Variants in CTRB1 observed in about 807,000 individuals in gnomAD.
CTRB1 encodes chymotrypsinogen B1.
In CTRB1, 15 loss-of-function variants were observed where a neutral mutation model predicts 20.4. The observed-to-expected ratio is 0.74, with a 90% CI of 0.49 to 1.13. The LOEUF (loss-of-function observed/expected upper bound fraction) is 1.13. Ranked by LOEUF, CTRB1 falls within the 50% of genes most tolerant of loss-of-function variation. CTRB1 has a pLI of 0.00. For synonymous variants in CTRB1, 92 were observed against 128.4 expected (o/e 0.72, Z 1.92); for missense variants, 227 against 290.1 (o/e 0.78, Z 1.58).
chr16:75,219,888 C>T (rs2151374142), intron 1 of CTRB1, among the ~76,000 whole-genome samples: 1 of 152,334 alleles, frequency 6.6e-6, no homozygotes, highest in Admixed American at 6.5e-5. Context: ...TGAATAATTG[C>T]AGTGTGAGCT....
At chr16:75,221,638 G>C (rs2039086542) in intron 1 of CTRB1, among the ~76,000 whole-genome samples, 1 of 152,076 alleles carries the variant, frequency 6.6e-6, no homozygotes, top group Non-Finnish European at 1.5e-5. Flanking sequence ...AGGATTACAG[G>C]CGTGAGCCAC....
chr16:75,219,137 T>A, intron 1 of CTRB1, 78 bp downstream of exon 1: 1 of 1,457,956 alleles, frequency 6.9e-7, no homozygotes, highest in African/African-American at 1.4e-5. Context: ...TCCCCTGCTC[T>A]GCCCCCTGGG....
At chr16:75,224,599 G>A (rs1277091086) in intron 6 of CTRB1, 106 bp from the exon 7 acceptor site, 2 of 1,292,344 alleles carry the variant, frequency 1.5e-6, no homozygotes, top group East Asian at 4.7e-5. Flanking sequence ...CTGAGCCTTT[G>A]CTGTGTGTGG....
intron 1 of CTRB1, among the ~76,000 whole-genome samples, chr16:75,219,764 T>G (rs1224686172): frequency 6.6e-6 from 1 of 152,236 alleles, no homozygotes; most frequent in Non-Finnish European, 1.5e-5. Flanking sequence ...CTGTCAGAAT[T>G]CAGCAAATCT....
rs2076724515 is a variant in CTRB1 at position 75,224,771 on chromosome 16, T to TG, written c.701dup (p.Ser235GlnfsTer45). 2 of 1,613,766 alleles carry TG rather than the reference T, an allele frequency of 1.2e-6. No homozygotes were observed. The highest frequency in any genetic ancestry group is 1.3e-5 in the African/African-American group (1 of 74,928). Reference sequence around the variant, plus strand: ...CTGGACCCTGGTGGGCATTGTGTCCTGGGGCAGCGACACCTGCTCCACCTC... The same window carrying TG: ...CTGGACCCTGGTGGGCATTGTGTCCTGGGGGCAGCGACACCTGCTCCACCTC... On this transcript the variant is annotated frameshift_variant, in exon 7 of 7. Transcript: ENST00000361017. LOFTEE classifies it low-confidence loss of function (END_TRUNC).
rs2039040678 is a variant in CTRB1, at chr16:75,219,038, T to G, written c.31T>G (p.Ser11Ala). ...TTCCCTCTGGCTCCTCTCCTGCTTCTCCCTTGTGGGGGCCGCCTTTGGTGA... is the reference window on the plus strand; with the variant it reads ...TTCCCTCTGGCTCCTCTCCTGCTTCGCCCTTGTGGGGGCCGCCTTTGGTGA... MASLWLLSCFSLVGAAFGCGV... is the reference protein window; with the variant it reads MASLWLLSCFALVGAAFGCGV... The change falls in exon 1 of 7, where the codon TCC becomes GCC. Residue 11 changes from serine to alanine, a missense_variant. Physicochemically the swap from Ser to Ala is moderately conservative, Grantham distance 99. Transcript: ENST00000361017. 6.3e-7 allele frequency: 1 copy of G among 1,593,912 alleles called. No homozygotes were observed. The highest frequency in any genetic ancestry group is 8.5e-7 in the Non-Finnish European group (1 of 1,171,602).
chr16:75,224,756 G>T lies in CTRB1; in HGVS notation c.682G>T (p.Val228Leu), dbSNP rs765374353. ...CCAAAAGGATGGAGCCTGGACCCTG[G>T]TGGGCATTGTGTCCTGGGGCAGCGA... ...VCQKDGAWTLVGIVSWGSDTC... is the reference protein window; with the variant it reads ...VCQKDGAWTLLGIVSWGSDTC... The change falls in exon 7 of 7, where the codon GTG becomes TTG. Residue 228 changes from valine (V) to leucine (L), a missense_variant. Val to Leu is a conservative substitution (Grantham distance 32). Transcript: ENST00000361017. 6.2e-7 allele frequency: 1 copy of T among 1,613,670 alleles called. No homozygotes were observed. Among genetic ancestry groups the T allele is most frequent in the Non-Finnish European group, 8.5e-7 (1 of 1,180,004 alleles).
At chr16:75,221,086 C>T (rs2039076838) in intron 1 of CTRB1, among the ~76,000 whole-genome samples, 1 of 152,218 alleles carries the variant, frequency 6.6e-6, no homozygotes, top group African/African-American at 2.4e-5. Flanking sequence ...AGGGAGGCAC[C>T]TTGCCTGCCT....
chr16:75,222,212 G>A (rs2039097034), intron 1 of CTRB1, among the ~76,000 whole-genome samples: 1 of 151,542 alleles, frequency 6.6e-6, no homozygotes, highest in Non-Finnish European at 1.5e-5. Flanking sequence ...CTGAAATTGT[G>A]GAATTCAACC....
rs185924090 is a variant in CTRB1, at chr16:75,221,380, G to A, written c.53-1388G>A. Among the ~76,000 whole-genome samples the A allele has an allele frequency of 3.3e-5, 5 of 151,980 alleles. No individual in the cohort carries two copies. In the East Asian group the frequency reaches 9.8e-4, roughly 30 times the overall value. ...TGTGTTTGTTTTGATTTTTTCTTGAGATGGAGTTTGGCTCTGTCACCCAGG... is the reference window on the plus strand; with the variant it reads ...TGTGTTTGTTTTGATTTTTTCTTGAAATGGAGTTTGGCTCTGTCACCCAGG... On this transcript the variant is annotated intron_variant, in intron 1 of 6. Coordinates refer to ENST00000361017, the MANE Select transcript of CTRB1 (RefSeq NM_001906.6).
intron 6 of CTRB1, 98 bp from the exon 7 acceptor site, chr16:75,224,607 T>G (rs1393441326): frequency 7.4e-7 from 1 of 1,351,166 alleles, no homozygotes; most frequent in African/African-American, 1.5e-5. Flanking sequence ...TTGCTGTGTG[T>G]GGGGTCCTGG....
intron 1 of CTRB1, among the ~76,000 whole-genome samples, chr16:75,221,875 A>T (rs2039090216): frequency 6.6e-6 from 1 of 151,362 alleles, no homozygotes; most frequent in Non-Finnish European, 1.5e-5. Context: ...ATCCTGGCTA[A>T]CACGGTGAAA....
At position 75,224,691 on chromosome 16, in the gene CTRB1, TC is replaced by T. The variant is rs1206250575; in HGVS notation, c.631-11del. ...CGGCTGCCAGATCCAAGCCCCCTTC[TC>T]CCTCTCCCACAGGGCGACTCTGGCG... On this transcript the variant is annotated splice_polypyrimidine_tract_variant and intron_variant, in intron 6 of 6. Coordinates refer to ENST00000361017, the MANE Select transcript of CTRB1 (RefSeq NM_001906.6). 4 of 1,599,542 alleles carry T rather than the reference TC, an allele frequency of 2.5e-6. No homozygotes were observed. The highest frequency in any genetic ancestry group is 3.4e-6 in the Non-Finnish European group (4 of 1,174,130).
chr16:75,220,188 TTTTC>T (rs976235405), intron 1 of CTRB1, among the ~76,000 whole-genome samples: 1 of 152,054 alleles, frequency 6.6e-6, no homozygotes, highest in African/African-American at 2.4e-5. Context: ...TGTTATTTTT[TTTTC>T]TTTTCTTTGA....
At chr16:75,221,328 T>G (rs1365855825) in intron 1 of CTRB1, among the ~76,000 whole-genome samples, 1 of 152,128 alleles carries the variant, frequency 6.6e-6, no homozygotes, top group Non-Finnish European at 1.5e-5. Context: ...CAATGTGCCA[T>G]TTTATGGTGT....
In CTRB1 at chr16:75,224,806, C is replaced by A; in HGVS notation, c.732C>A (p.Gly244=). 1 of 1,613,962 alleles carries A rather than the reference C, an allele frequency of 6.2e-7. No homozygotes were observed. The highest frequency in any genetic ancestry group is 8.5e-7 in the Non-Finnish European group (1 of 1,180,030). The part of the protein sequence containing the change: ...GSDTCSTSSP[G]VYARVTKLIP... ...ACACCTGCTCCACCTCCAGCCCTGG[C>A]GTGTACGCCCGTGTCACCAAGCTCA... The change falls in exon 7 of 7, where the codon GGC becomes GGA. Residue 244 remains glycine (G), a synonymous_variant. Transcript: ENST00000361017.
At chr16:75,220,261 G>A (rs2039064373) in intron 1 of CTRB1, among the ~76,000 whole-genome samples, 1 of 152,108 alleles carries the variant, frequency 6.6e-6, no homozygotes, top group African/African-American at 2.4e-5. Flanking sequence ...TTGGCTCACT[G>A]CAACCTCCGC....
chr16:75,221,924 G>T (rs1007979125), intron 1 of CTRB1, among the ~76,000 whole-genome samples: 2 of 151,986 alleles, frequency 1.3e-5, no homozygotes, highest in Middle Eastern at 3.4e-3. Context: ...AGCTGGGCTT[G>T]GTGGCGGGCA....
chr16:75,222,597 G>C (rs985247801), intron 1 of CTRB1, 171 bp from the exon 2 acceptor site: 16 of 679,226 alleles, frequency 2.4e-5, no homozygotes, highest in Non-Finnish European at 3.6e-5. Context: ...CCGAGAGTTG[G>C]GAACGTTTGA....
Sources: allele counts gnomAD v4.1 joint callset (sites outside exome capture counted in the v4.1 genomes callset), GRCh38; gene constraint gnomAD v4.1.1; transcripts MANE v1.5; gene names NCBI Gene and HGNC (gene_info 2026-07-23, HGNC 2026-07-21).